Variants in OPCML observed in about 807,000 individuals in gnomAD.
The protein encoded by OPCML is opioid binding protein/cell adhesion molecule like, also known as opioid-binding protein/cell adhesion molecule.
A neutral mutation model predicts 37.8 loss-of-function variants in OPCML; 13 were observed. The ratio of observed to expected loss-of-function variants is 0.34; its 90% CI spans 0.22 to 0.55. OPCML has a LOEUF of 0.55. Among genes scored for constraint, OPCML ranks in the 20% least tolerant of loss-of-function variants. OPCML has a pLI of 0.91. For missense variants in OPCML, 341 were observed against 435.6 expected (o/e 0.78, Z 1.93); for synonymous variants, 176 against 168.8 (o/e 1.04, Z -0.33).
chr11:133,253,198 G>T (rs746195895), intron 1 of OPCML, among the ~76,000 whole-genome samples: 1 of 151,330 alleles, frequency 6.6e-6, no homozygotes, highest in Non-Finnish European at 1.5e-5. Flanking sequence ...AAAGGAATTA[G>T]CAGGCCTTGG....
chr11:132,563,444 A>G (rs1591555396), intron 3 of OPCML, among the ~76,000 whole-genome samples: 1 of 151,854 alleles, frequency 6.6e-6, no homozygotes, highest in East Asian at 1.9e-4. Context: ...CTCTTGCACA[A>G]TTCACCTTCT....
chr11:133,240,173 C>A (rs1940671920), intron 1 of OPCML, among the ~76,000 whole-genome samples: 1 of 146,112 alleles, frequency 6.8e-6, no homozygotes, highest in African/African-American at 2.6e-5. Flanking sequence ...AAATAAGTCT[C>A]CTCTAGAATG....
intron 3 of OPCML, among the ~76,000 whole-genome samples, chr11:132,544,822 C>A (rs2096365236): frequency 6.6e-6 from 1 of 152,174 alleles, no homozygotes; most frequent in African/African-American, 2.4e-5. Flanking sequence ...GCATTGCACA[C>A]ACCATGCCAC....
Position 133,370,499 on chromosome 11 carries a change from G to GA in OPCML, c.61+161764dup, listed in dbSNP as rs199675344. ...AGCTCAAACAGAAAAAAAAAAAAAG[G>GA]AAAAAAACCTAGGAATAAATTTAAC... On this transcript the variant is annotated intron_variant, in intron 1 of 7. Coordinates refer to ENST00000524381, the MANE Select transcript of OPCML (RefSeq NM_001012393.5). Among the ~76,000 whole-genome samples the GA allele has an allele frequency of 3.0e-3, 438 of 145,784 alleles. 2 individuals carry two copies. The highest frequency in any genetic ancestry group is 9.7e-3 in the African/African-American group (383 of 39,602).
intron 1 of OPCML, among the ~76,000 whole-genome samples, chr11:132,998,220 C>A (rs990141207): frequency 5.3e-5 from 8 of 152,190 alleles, no homozygotes; most frequent in African/African-American, 1.9e-4. Context: ...ATGTGATAAT[C>A]TGCAAATGTG....
chr11:133,532,081 G>T (rs1216317852), intron 1 of OPCML, 183 bp downstream of exon 1: 2 of 567,448 alleles, frequency 3.5e-6, no homozygotes, highest in African/African-American at 2.0e-5. Context: ...GCATCTGCGC[G>T]CGTGTGAGCG....
At chr11:133,415,454 G>A (rs1945740440) in intron 1 of OPCML, among the ~76,000 whole-genome samples, 1 of 151,892 alleles carries the variant, frequency 6.6e-6, no homozygotes, top group Non-Finnish European at 1.5e-5. Flanking sequence ...CTGGTGTGGA[G>A]TCCACATTTG....
At chr11:133,180,035 C>T (rs1445475898) in intron 1 of OPCML, among the ~76,000 whole-genome samples, 1 of 152,240 alleles carries the variant, frequency 6.6e-6, no homozygotes, top group Non-Finnish European at 1.5e-5. Context: ...AAATATGGTC[C>T]CTGACCCTGC....
intron 1 of OPCML, among the ~76,000 whole-genome samples, chr11:133,334,285 A>G (rs1215953962): frequency 2.0e-5 from 3 of 152,264 alleles, no homozygotes; most frequent in Admixed American, 6.5e-5. Flanking sequence ...AATGTGGTAC[A>G]TATACACCAT....
At chr11:132,610,728 G>A (rs1368366481) in intron 3 of OPCML, among the ~76,000 whole-genome samples, 2 of 152,166 alleles carry the variant, frequency 1.3e-5, no homozygotes, top group Non-Finnish European at 2.9e-5. Flanking sequence ...TTTTACAAAT[G>A]TTTAATTACT....
chr11:132,434,473 G>A (rs1252711308), intron 7 of OPCML, among the ~76,000 whole-genome samples: 2 of 152,124 alleles, frequency 1.3e-5, no homozygotes, highest in Non-Finnish European at 1.5e-5. Flanking sequence ...CTTTGCTGAC[G>A]CTGTGGGCAA....
chr11:133,039,551 T>A (rs1334874976), intron 1 of OPCML, among the ~76,000 whole-genome samples: 1 of 151,940 alleles, frequency 6.6e-6, no homozygotes, highest in Non-Finnish European at 1.5e-5. Flanking sequence ...AGTGCACCCA[T>A]GAACAGGGGG....
intron 1 of OPCML, among the ~76,000 whole-genome samples, chr11:133,230,664 A>G (rs1437092621): frequency 6.6e-6 from 1 of 152,218 alleles, no homozygotes; most frequent in Non-Finnish European, 1.5e-5. Flanking sequence ...AAAAGGCATC[A>G]TAAAAGTAGA....
At chr11:132,607,891 G>A (rs543685778) in intron 3 of OPCML, among the ~76,000 whole-genome samples, 2 of 152,254 alleles carry the variant, frequency 1.3e-5, no homozygotes, top group South Asian at 2.1e-4. Context: ...AGGTTGAGTC[G>A]TAGGTACAAA....
intron 3 of OPCML, among the ~76,000 whole-genome samples, chr11:132,642,966 C>T (rs1312068518): frequency 6.6e-6 from 1 of 152,066 alleles, no homozygotes; most frequent in Non-Finnish European, 1.5e-5. Flanking sequence ...AATGCAAGCC[C>T]AACCCTCAGT....
intron 1 of OPCML, among the ~76,000 whole-genome samples, chr11:133,326,422 CAT>C (rs1465269520): frequency 9.5e-6 from 1 of 105,014 alleles, no homozygotes; most frequent in East Asian, 2.8e-4. Flanking sequence ...TGTGGATATG[CAT>C]GTGTGTGGGT....
intron 2 of OPCML, among the ~76,000 whole-genome samples, chr11:132,723,101 G>A (rs1453097960): frequency 6.6e-6 from 1 of 152,056 alleles, no homozygotes; most frequent in Admixed American, 6.5e-5. Context: ...AATATACAAA[G>A]TCCACTGAAG....
intron 4 of OPCML, among the ~76,000 whole-genome samples, chr11:132,496,240 T>G (rs921471397): frequency 6.6e-6 from 1 of 152,184 alleles, no homozygotes; most frequent in Admixed American, 6.5e-5. Context: ...CGGATGGATG[T>G]GAAAGTGGTC....
intron 1 of OPCML, among the ~76,000 whole-genome samples, chr11:133,159,668 T>C (rs1219804261): frequency 6.6e-6 from 1 of 152,212 alleles, no homozygotes; most frequent in Non-Finnish European, 1.5e-5. Flanking sequence ...TGACAAACAT[T>C]GTCGTAGTCT....
Sources: allele counts gnomAD v4.1 joint callset (sites outside exome capture counted in the v4.1 genomes callset), GRCh38; gene constraint gnomAD v4.1.1; transcripts MANE v1.5; gene names NCBI Gene and HGNC (gene_info 2026-07-23, HGNC 2026-07-21).